COL5A2: variants seen among roughly 807,000 people sequenced by gnomAD.
COL5A2 encodes the protein collagen alpha-2(V) chain.
A neutral mutation model predicts 208.2 loss-of-function variants in COL5A2; 23 were observed. The observed-to-expected ratio is 0.11, with a 90% CI of 0.08 to 0.16. The LOEUF (loss-of-function observed/expected upper bound fraction) is 0.16, where lower values mean the gene tolerates loss of function less well. Among genes scored for constraint, COL5A2 ranks in the 10% least tolerant of loss-of-function variants. The probability of loss-of-function intolerance (pLI) is 1.00; values close to 1 mark genes in which losing one functional copy is unlikely to be tolerated. For missense variants in COL5A2, 1,590 were observed against 1,956.4 expected, an observed-to-expected ratio of 0.81 and a Z score of 3.53; for synonymous variants, 625 against 628.5, an observed-to-expected ratio of 0.99 and a Z score of 0.08.
At chr2:189,437,801 CATT>C in the COL5A2 span, among the ~76,000 whole-genome samples, 1 of 152,056 alleles carries the variant, frequency 6.6e-6, no homozygotes, top group Non-Finnish European at 1.5e-5. Flanking sequence ...TAATTCATGA[CATT>C]AATACAAAAT....
At position 189,189,725 on chromosome 2, in the gene COL5A2, A is replaced by C. The variant is rs149475863; in HGVS notation, c.-42+35423T>G. ...CATTTGAATTAGAATTTCTATTTAA[A>C]TATCTTCAAGTAATCAATGAGTTCA... is the stretch of plus-strand genomic sequence containing the variant. On this transcript the variant is annotated intron_variant, in intron 1 of 10. Coordinates refer to the COL5A2 transcript ENST00000649966. Among the ~76,000 whole-genome samples, 746 of 152,264 alleles carry C rather than the reference A, an allele frequency of 4.9e-3. 4 individuals are homozygous for C. Among genetic ancestry groups the C allele is most frequent in the Non-Finnish European group, 7.3e-3 (498 of 68,036 alleles).
At chr2:189,189,718 T>C (rs569325276) in intron 1 of COL5A2, among the ~76,000 whole-genome samples, 1 of 152,322 alleles carries the variant, frequency 6.6e-6, no homozygotes, top group African/African-American at 2.4e-5. Flanking sequence ...TTAGAATTTC[T>C]ATTTAAATAT....
At chr2:189,152,471 T>C (rs1688163894) in intron 1 of COL5A2, among the ~76,000 whole-genome samples, 1 of 152,186 alleles carries the variant, frequency 6.6e-6, no homozygotes, top group Non-Finnish European at 1.5e-5. Context: ...CAACACACAA[T>C]GTAGCTCAAC....
chr2:189,101,549 A>G (rs1687046878), intron 3 of COL5A2, among the ~76,000 whole-genome samples: 1 of 152,104 alleles, frequency 6.6e-6, no homozygotes, highest in African/African-American at 2.4e-5. Flanking sequence ...ATACCTTATG[A>G]TATGTTTTTA....
the COL5A2 span, among the ~76,000 whole-genome samples, chr2:189,292,262 G>A: frequency 7.2e-5 from 11 of 152,234 alleles, no homozygotes; most frequent in Middle Eastern, 3.4e-3. Flanking sequence ...ATCTACTTAG[G>A]AAAATTGGCT....
intron 1 of COL5A2, among the ~76,000 whole-genome samples, chr2:189,132,301 A>G (rs1687731610): frequency 6.6e-6 from 1 of 152,216 alleles, no homozygotes; most frequent in South Asian, 2.1e-4. Flanking sequence ...TCAGAGAAGA[A>G]AAAAGGGAAC....
chr2:189,060,300 G>A (rs530573328), intron 31 of COL5A2, among the ~76,000 whole-genome samples: 1 of 152,218 alleles, frequency 6.6e-6, no homozygotes, highest in East Asian at 1.9e-4. Context: ...TGTTCAGCTG[G>A]TTCAGGCCAG....
intron 1 of COL5A2, among the ~76,000 whole-genome samples, chr2:189,129,112 G>A (rs1687662513): frequency 6.6e-6 from 1 of 151,592 alleles, no homozygotes; most frequent in Admixed American, 6.6e-5. Context: ...GTCCCCTGGT[G>A]AGTTTTATCA....
At chr2:189,266,303 G>C in the COL5A2 span, among the ~76,000 whole-genome samples, 1 of 151,990 alleles carries the variant, frequency 6.6e-6, no homozygotes, top group Non-Finnish European at 1.5e-5. Context: ...GCACGCACCT[G>C]TAATCCCAGC....
chr2:189,085,701 T>A lies in COL5A2; in HGVS notation c.744+18A>T. 1 of 1,611,592 alleles carries A rather than the reference T, an allele frequency of 6.2e-7. No individual in the cohort carries two copies. Among genetic ancestry groups the A allele is most frequent in the South Asian group, 1.1e-5 (1 of 91,050 alleles). On this transcript the variant is annotated intron_variant, in intron 10 of 53. Transcript: ENST00000374866. ...GGACCCAAATGTAACTGGGTCTACA[T>A]GCTTACTTGACATTTACCATTGGTC... is the stretch of plus-strand genomic sequence containing the variant.
the COL5A2 span, among the ~76,000 whole-genome samples, chr2:189,299,584 G>A: frequency 6.6e-6 from 1 of 152,150 alleles, no homozygotes; most frequent in Non-Finnish European, 1.5e-5. Flanking sequence ...GAAATATGAT[G>A]GGTGTCTGTC....
At chr2:189,129,300 ACTC>A (rs1687666664) in intron 1 of COL5A2, among the ~76,000 whole-genome samples, 2 of 151,934 alleles carry the variant, frequency 1.3e-5, no homozygotes, top group African/African-American at 4.8e-5. Context: ...GGCAGGAAAA[ACTC>A]CTTACATTTC....
chr2:189,438,303 G>A, the COL5A2 span, among the ~76,000 whole-genome samples: 3 of 151,756 alleles, frequency 2.0e-5, no homozygotes, highest in Admixed American at 2.0e-4. Context: ...GGGAAAAAAA[G>A]AGTTTGGCAA....
chr2:189,435,173 A>G, the COL5A2 span, among the ~76,000 whole-genome samples: 1 of 152,220 alleles, frequency 6.6e-6, no homozygotes, highest in Non-Finnish European at 1.5e-5. Flanking sequence ...ACAAAAATTC[A>G]TTCAAGATGG....
chr2:189,061,233 C>T (rs904194120), intron 30 of COL5A2, among the ~76,000 whole-genome samples: 8 of 151,812 alleles, frequency 5.3e-5, no homozygotes, highest in Non-Finnish European at 2.9e-5. Flanking sequence ...GTCACTGTGC[C>T]GATAAAACAA....
At chr2:189,071,019 A>G (rs1005945122) in intron 18 of COL5A2, among the ~76,000 whole-genome samples, 1 of 152,350 alleles carries the variant, frequency 6.6e-6, no homozygotes, top group South Asian at 2.1e-4. Flanking sequence ...ATTTTCAAGG[A>G]ATATCTGAAA....
At position 189,129,881 on chromosome 2, in the gene COL5A2, G is replaced by C. The variant is rs115854876; in HGVS notation, c.98-19432C>G. Among the ~76,000 whole-genome samples, 773 of 152,134 alleles carry C rather than the reference G, an allele frequency of 5.1e-3. 7 individuals are homozygous for C. Among genetic ancestry groups the C allele is most frequent in the Non-Finnish European group, 8.1e-3 (552 of 67,884 alleles). ...GAAATTGTGCTCTCTTAATGGTTCT[G>C]CCTGCAGCAGTTATAAATTATATGA... On this transcript the variant is annotated intron_variant, in intron 1 of 53. Transcript: ENST00000374866.
At chr2:189,054,833 C>A (rs1182270472) in intron 35 of COL5A2, among the ~76,000 whole-genome samples, 1 of 151,686 alleles carries the variant, frequency 6.6e-6, no homozygotes, top group East Asian at 1.9e-4. Flanking sequence ...ATCTCAGACT[C>A]CAGAGTAACT....
Position 189,039,418 on chromosome 2 carries a change from T to C in COL5A2, c.3779A>G (p.Asp1260Gly). ...AACCCCTGGGTCCGTTTTGTTTTTG[T>C]CATCAGGAGCCGCCTGATCTTCAGT... The part of the protein sequence containing the change: ...EFTEDQAAPD[D>G]KNKTDPGVHA... The change falls in exon 51 of 54, where the codon GAC (aspartate) becomes GGC (glycine). Residue 1260 changes from aspartate (D) to glycine (G), a missense_variant. Asp to Gly is a moderately conservative substitution (Grantham distance 94). Coordinates refer to ENST00000374866, the MANE Select transcript of COL5A2 (RefSeq NM_000393.5). The C allele has an allele frequency of 6.2e-7, 1 of 1,614,046 alleles. No homozygotes were observed. The highest frequency in any genetic ancestry group is 8.5e-7 in the Non-Finnish European group (1 of 1,180,020).
Sources: gnomAD v4.1 joint callset for allele counts (sites outside exome capture counted in the v4.1 genomes callset) on GRCh38, gnomAD v4.1.1 for gene constraint, MANE v1.5 for transcripts, NCBI Gene and HGNC (gene_info 2026-07-23, HGNC 2026-07-21) for gene names.